Variants in RANBP2 observed in about 807,000 individuals in gnomAD.
The protein encoded by RANBP2 is E3 SUMO-protein ligase RanBP2.
In RANBP2, 57 loss-of-function variants were observed where a neutral mutation model predicts 303.6. That is an observed-to-expected ratio of 0.19 (90% CI 0.15 to 0.23). The LOEUF is 0.23. Among genes scored for constraint, RANBP2 ranks in the 10% least tolerant of loss-of-function variants. The pLI is 1.00. For synonymous variants in RANBP2, 1,167 were observed against 1,301.5 expected (o/e 0.90, Z 2.23); for missense variants, 3,138 against 3,780.8 (o/e 0.83, Z 4.46).
chr2:108,779,687 G>A lies in RANBP2; in HGVS notation c.8600-1582G>A, dbSNP rs1400255394. Among the ~76,000 whole-genome samples, 3 of 152,142 alleles carry A rather than the reference G, an allele frequency of 2.0e-5. No individual in the cohort carries two copies. The East Asian group carries it at 5.8e-4, about 29-fold the overall frequency. ...CTTTCCTCTAAGATAGTGGGGACTT[G>A]GTCATCTAAATTGAGGTATGGGATG... On this transcript the variant is annotated intron_variant, in intron 25 of 28. Coordinates refer to ENST00000283195, the MANE Select transcript of RANBP2 (RefSeq NM_006267.5).
the RANBP2 span, among the ~76,000 whole-genome samples, chr2:109,599,855 TATC>T: frequency 1.3e-5 from 2 of 152,140 alleles, no homozygotes; most frequent in African/African-American, 2.4e-5. Context: ...ATAGAAAAAA[TATC>T]ATTTCTAATT....
At chr2:109,070,876 A>G in the RANBP2 span, among the ~76,000 whole-genome samples, 1 of 136,304 alleles carries the variant, frequency 7.3e-6, no homozygotes, top group African/African-American at 2.7e-5. Flanking sequence ...AAAAAAAAAA[A>G]TAGAGTGCGG....
At chr2:109,005,547 T>C in the RANBP2 span, among the ~76,000 whole-genome samples, 3 of 152,228 alleles carry the variant, frequency 2.0e-5, no homozygotes, top group Non-Finnish European at 2.9e-5. Context: ...CTCTGAAGCC[T>C]TCCTGGGCAG....
the RANBP2 span, among the ~76,000 whole-genome samples, chr2:109,135,367 C>T: frequency 4.6e-5 from 7 of 152,190 alleles, no homozygotes; most frequent in Non-Finnish European, 1.0e-4. Flanking sequence ...TGGTTTTAAT[C>T]TTGGCTTCCA....
intron 4 of RANBP2, among the ~76,000 whole-genome samples, chr2:108,734,701 C>T (rs1695431343): frequency 6.6e-6 from 1 of 151,290 alleles, no homozygotes; most frequent in African/African-American, 2.4e-5. Context: ...TATGTAGGCC[C>T]TCAGTGAGGT....
chr2:108,748,564 C>G (rs552711521), intron 8 of RANBP2, among the ~76,000 whole-genome samples: 12 of 152,008 alleles, frequency 7.9e-5, no homozygotes, highest in Admixed American at 1.3e-4. Flanking sequence ...TTCTGATCAG[C>G]CAGGTTCAGA....
the RANBP2 span, among the ~76,000 whole-genome samples, chr2:109,609,871 G>A: frequency 1.3e-5 from 2 of 152,016 alleles, no homozygotes; most frequent in South Asian, 4.2e-4. Context: ...TGTGTTTCTC[G>A]GGAGATGAAA....
the RANBP2 span, among the ~76,000 whole-genome samples, chr2:109,363,947 G>A: frequency 6.6e-6 from 1 of 151,918 alleles, no homozygotes; most frequent in African/African-American, 2.4e-5. Flanking sequence ...CATTTTTCTG[G>A]CATCTATCCT....
At chr2:108,843,381 C>G in the RANBP2 span, among the ~76,000 whole-genome samples, 1 of 152,216 alleles carries the variant, frequency 6.6e-6, no homozygotes, top group Admixed American at 6.5e-5. Flanking sequence ...TGGTCTCGAA[C>G]TCCTGACCTC....
the RANBP2 span, chr2:109,737,234 G>T: frequency 3.6e-6 from 3 of 826,266 alleles, no homozygotes; most frequent in South Asian, 4.5e-5. Context: ...AACCAATCAC[G>T]AAGATTATTC....
At chr2:109,705,745 G>A in the RANBP2 span, among the ~76,000 whole-genome samples, 10 of 152,172 alleles carry the variant, frequency 6.6e-5, no homozygotes, top group Admixed American at 3.9e-4. Flanking sequence ...TACGAACTTG[G>A]GGGTGGGAGT....
At chr2:109,203,198 G>A in the RANBP2 span, among the ~76,000 whole-genome samples, 34 of 152,304 alleles carry the variant, frequency 2.2e-4, no homozygotes, top group African/African-American at 8.2e-4. Flanking sequence ...TTGCCCGCAA[G>A]AAGGACCCTG....
chr2:109,711,124 G>A, the RANBP2 span, among the ~76,000 whole-genome samples: 2 of 151,984 alleles, frequency 1.3e-5, no homozygotes, highest in East Asian at 3.9e-4. Context: ...TATCTCCTCA[G>A]GGACATCTGA....
chr2:108,740,053 G>A (rs1001724977), intron 6 of RANBP2, among the ~76,000 whole-genome samples: 2 of 151,990 alleles, frequency 1.3e-5, no homozygotes, highest in African/African-American at 4.8e-5. Flanking sequence ...AGCAATTACT[G>A]TATTGATACG....
At chr2:109,138,493 G>T in the RANBP2 span, among the ~76,000 whole-genome samples, 15 of 152,216 alleles carry the variant, frequency 9.9e-5, no homozygotes, top group African/African-American at 3.4e-4. Context: ...TGCTGCATTT[G>T]CTGGCAAAGT....
At chr2:108,933,408 A>G in the RANBP2 span, among the ~76,000 whole-genome samples, 1,704 of 152,266 alleles carry the variant, frequency 0.011, 35 homozygotes, top group African/African-American at 0.038. Context: ...AATAGGTGGG[A>G]GAAGGGGGTC....
the RANBP2 span, among the ~76,000 whole-genome samples, chr2:109,371,316 G>A: frequency 2.0e-5 from 3 of 152,214 alleles, no homozygotes; most frequent in Non-Finnish European, 2.9e-5. Flanking sequence ...CTTGAACCCC[G>A]GAGGCGGAGG....
At chr2:109,120,667 C>CAAA in the RANBP2 span, among the ~76,000 whole-genome samples, 1 of 59,870 alleles carries the variant, frequency 1.7e-5, no homozygotes, top group African/African-American at 6.5e-5. Flanking sequence ...AACTCCGTCT[C>CAAA]AAAAAAAAAA....
chr2:108,781,139 A>G (rs1448246031), intron 25 of RANBP2, 130 bp from the exon 26 acceptor site: 11 of 1,021,976 alleles, frequency 1.1e-5, no homozygotes, highest in East Asian at 2.6e-5. Context: ...CTAGAATAAT[A>G]TAATTTTAAA....
Sources: gnomAD v4.1 joint callset for allele counts (sites outside exome capture counted in the v4.1 genomes callset) on GRCh38, gnomAD v4.1.1 for gene constraint, MANE v1.5 for transcripts, NCBI Gene and HGNC (gene_info 2026-07-23, HGNC 2026-07-21) for gene names.